The following NBEA variants were observed in gnomAD, a reference collection of about 807,000 sequenced individuals.
NBEA encodes the protein lysosomal-trafficking regulator 2.
In NBEA, 44 loss-of-function variants were observed where a neutral mutation model predicts 343.4. The ratio of observed to expected loss-of-function variants is 0.13; its 90% confidence interval spans 0.10 to 0.16. NBEA has a LOEUF of 0.16. Among genes scored for constraint, NBEA ranks in the 10% least tolerant of loss-of-function variants. NBEA has a pLI of 1.00. For synonymous variants in NBEA, 1,175 were observed against 1,238.7 expected (o/e 0.95, Z 1.08); for missense variants, 2,555 against 3,631.3 (o/e 0.70, Z 7.62).
intron 17 of NBEA, among the ~76,000 whole-genome samples, chr13:35,141,311 G>C (rs1287475008): frequency 1.3e-5 from 2 of 152,068 alleles, no homozygotes; most frequent in Non-Finnish European, 2.9e-5. Context: ...CTCTTGCCCA[G>C]GCTGGAGTGC....
chr13:35,647,709 G>A (rs1249243247), intron 51 of NBEA, among the ~76,000 whole-genome samples: 1 of 152,048 alleles, frequency 6.6e-6, no homozygotes, highest in South Asian at 2.1e-4. Context: ...CGGGATTACA[G>A]GTGTGCGCCA....
chr13:35,124,253 G>GT (rs550215199), intron 17 of NBEA, among the ~76,000 whole-genome samples: 3,823 of 112,928 alleles, frequency 0.034, 156 homozygotes, highest in African/African-American at 0.087. Context: ...TTTCGCCCTT[G>GT]TTTTTTTTTT....
intron 34 of NBEA, among the ~76,000 whole-genome samples, chr13:35,254,458 C>T (rs975687714): frequency 3.3e-5 from 5 of 151,318 alleles, no homozygotes; most frequent in Admixed American, 6.6e-5. Context: ...CCTGGGACAA[C>T]AGGTGTGCAC....
intron 17 of NBEA, among the ~76,000 whole-genome samples, chr13:35,124,452 TCAAA>T (rs1295469770): frequency 1.3e-5 from 2 of 150,264 alleles, no homozygotes; most frequent in African/African-American, 2.4e-5. Flanking sequence ...AAGGAATAGT[TCAAA>T]CAAAGCCAGG....
At chr13:34,986,289 T>G (rs2060543501) in intron 1 of NBEA, among the ~76,000 whole-genome samples, 1 of 150,992 alleles carries the variant, frequency 6.6e-6, no homozygotes, top group African/African-American at 2.4e-5. Context: ...CATTTCATTT[T>G]GTATCCAGTA....
intron 41 of NBEA, among the ~76,000 whole-genome samples, chr13:35,533,539 A>G (rs2078374531): frequency 6.6e-6 from 1 of 152,114 alleles, no homozygotes; most frequent in South Asian, 2.1e-4. Flanking sequence ...TGTTCTGAGG[A>G]TAAGAATTTT....
intron 16 of NBEA, 57 bp from the exon 17 acceptor site, chr13:35,123,425 T>C (rs2152676950): frequency 1.1e-6 from 1 of 878,870 alleles, no homozygotes; most frequent in South Asian, 2.5e-5. Flanking sequence ...AAGCATGTAG[T>C]GTGTTTTTGT....
At chr13:34,971,008 G>C (rs1370736451) in intron 1 of NBEA, among the ~76,000 whole-genome samples, 1 of 152,032 alleles carries the variant, frequency 6.6e-6, no homozygotes, top group African/African-American at 2.4e-5. Flanking sequence ...ATCTATGAGT[G>C]TGGAATGTTT....
intron 41 of NBEA, among the ~76,000 whole-genome samples, chr13:35,538,442 A>G (rs1209529603): frequency 6.6e-6 from 1 of 152,204 alleles, no homozygotes; most frequent in Admixed American, 6.5e-5. Context: ...CTGATAAGCA[A>G]TCATTTTCTT....
At chr13:35,083,636 A>T (rs1340814987) in intron 10 of NBEA, among the ~76,000 whole-genome samples, 1 of 152,184 alleles carries the variant, frequency 6.6e-6, no homozygotes, top group African/African-American at 2.4e-5. Flanking sequence ...AACAACTGGT[A>T]CCAGCCACTG....
At chr13:35,227,053 C>T (rs2074694475) in intron 33 of NBEA, among the ~76,000 whole-genome samples, 2 of 152,000 alleles carry the variant, frequency 1.3e-5, no homozygotes, top group African/African-American at 2.4e-5. Flanking sequence ...TTTCATCATG[C>T]ACTTGAAAAT....
At chr13:35,326,596 GCTT>G (rs1016631946) in intron 36 of NBEA, among the ~76,000 whole-genome samples, 2 of 151,846 alleles carry the variant, frequency 1.3e-5, no homozygotes, top group Admixed American at 1.3e-4. Flanking sequence ...TGATAGTTAG[GCTT>G]CTTCTTTTTC....
intron 17 of NBEA, among the ~76,000 whole-genome samples, chr13:35,131,010 A>T (rs983793948): frequency 3.9e-5 from 6 of 152,130 alleles, no homozygotes; most frequent in Non-Finnish European, 5.9e-5. Context: ...GTGAATATTT[A>T]TATTAAAAGC....
At chr13:35,520,369 A>C (rs1242232345) in intron 41 of NBEA, among the ~76,000 whole-genome samples, 1 of 152,190 alleles carries the variant, frequency 6.6e-6, no homozygotes, top group Non-Finnish European at 1.5e-5. Flanking sequence ...CACCATGTAT[A>C]ATAATACTTC....
chr13:35,485,514 T>C (rs1045179144), intron 41 of NBEA, among the ~76,000 whole-genome samples: 16 of 152,166 alleles, frequency 1.1e-4, no homozygotes, highest in African/African-American at 3.9e-4. Flanking sequence ...ATATGTTCAC[T>C]ACTGTTAGTT....
At chr13:35,247,457 T>C (rs1260288886) in intron 34 of NBEA, among the ~76,000 whole-genome samples, 1 of 152,132 alleles carries the variant, frequency 6.6e-6, no homozygotes, top group African/African-American at 2.4e-5. Flanking sequence ...ACAGGGCTTT[T>C]CCCTGCTGTT....
At chr13:35,509,248 C>T (rs1170610799) in intron 41 of NBEA, among the ~76,000 whole-genome samples, 3 of 152,128 alleles carry the variant, frequency 2.0e-5, no homozygotes, top group Non-Finnish European at 4.4e-5. Context: ...GGCACAAATT[C>T]GATACACCGC....
At chr13:35,467,032 T>C (rs929192618) in intron 40 of NBEA, among the ~76,000 whole-genome samples, 4 of 152,292 alleles carry the variant, frequency 2.6e-5, no homozygotes, top group African/African-American at 9.6e-5. Context: ...CCTCCATTTT[T>C]ATAATGCCCA....
intron 36 of NBEA, among the ~76,000 whole-genome samples, chr13:35,314,462 A>G (rs923629289): frequency 7.2e-5 from 11 of 152,084 alleles, no homozygotes; most frequent in Non-Finnish European, 1.3e-4. Context: ...TCCTACCCCT[A>G]ATCTGGATTA....
Sources: gnomAD v4.1 joint callset for allele counts (sites outside exome capture counted in the v4.1 genomes callset) on GRCh38, gnomAD v4.1.1 for gene constraint, MANE v1.5 for transcripts, NCBI Gene and HGNC (gene_info 2026-07-23, HGNC 2026-07-21) for gene names.